Variants in FMO5 observed in about 807,000 individuals in gnomAD.
FMO5 encodes the protein flavin containing dimethylaniline monoxygenase 5, also known as flavin-containing monooxygenase 5.
Under a neutral mutation model 43.6 loss-of-function variants are expected in FMO5, and 51 were observed. The observed-to-expected ratio is 1.17, with a 90% CI of 0.93 to 1.48. The LOEUF is 1.48. FMO5 is among the 40% of genes most tolerant of loss of function. The probability of loss-of-function intolerance (pLI) is 0.00; values close to 1 mark genes in which losing one functional copy is unlikely to be tolerated. For synonymous variants in FMO5, 187 were observed against 216.5 expected (o/e 0.86, Z 1.20); for missense variants, 644 against 643.0 (o/e 1.00, Z -0.02).
At chr1:147,212,272 G>T in intron 5 of FMO5, 121 bp downstream of exon 5, 1 of 991,562 alleles carries the variant, frequency 1.0e-6, no homozygotes. Flanking sequence ...CCCTATATTT[G>T]CCACTGGCAC....
At chr1:147,192,473 T>C (rs1372130640) in intron 7 of FMO5, among the ~76,000 whole-genome samples, 1 of 152,122 alleles carries the variant, frequency 6.6e-6, no homozygotes, top group Non-Finnish European at 1.5e-5. Flanking sequence ...ACAATTTGAC[T>C]TCCTCTTTTC....
In FMO5 at chr1:147,201,294, T is replaced by G. The variant is rs1553920874; in HGVS notation, c.1041A>C (p.Lys347Asn). 1.2e-6 allele frequency: 2 copies of G among 1,614,186 alleles called. No individual in the cohort carries two copies. Among genetic ancestry groups the G allele is most frequent in the African/African-American group, 2.7e-5 (2 of 75,042 alleles). Residue 347 changes from lysine (K) to asparagine (N), a missense_variant, in exon 7 of 9, where the codon AAA (lysine) becomes AAC (asparagine). Coordinates refer to ENST00000254090, the MANE Select transcript of FMO5 (RefSeq NM_001461.4). ...PFLEDSVKVV[K>N]NKISLYKKVF... Reference sequence around the variant, plus strand: ...CCTTTTTATACAGGGATATCTTGTTTTTGACCACTTTGACGGAATCTTCCA... The same window carrying G: ...CCTTTTTATACAGGGATATCTTGTTGTTGACCACTTTGACGGAATCTTCCA...
intron 6 of FMO5, among the ~76,000 whole-genome samples, chr1:147,201,944 A>G (rs1553921102): frequency 6.6e-6 from 1 of 152,192 alleles, no homozygotes; most frequent in African/African-American, 2.4e-5. Context: ...ATGATAAATT[A>G]CATGTATGTA....
intron 7 of FMO5, among the ~76,000 whole-genome samples, chr1:147,194,085 CT>C (rs1657462419): frequency 6.6e-6 from 1 of 152,110 alleles, no homozygotes. Context: ...TCTCGTTGAT[CT>C]GTCTAATGTT....
At chr1:147,199,442 G>A (rs1313488069) in intron 7 of FMO5, among the ~76,000 whole-genome samples, 12 of 152,156 alleles carry the variant, frequency 7.9e-5, no homozygotes, top group African/African-American at 1.4e-4. Context: ...GGAGGAATTA[G>A]CACTAGGCTT....
intron 7 of FMO5, among the ~76,000 whole-genome samples, chr1:147,191,167 A>G (rs1553918372): frequency 6.6e-6 from 1 of 152,184 alleles, no homozygotes; most frequent in Admixed American, 6.5e-5. Flanking sequence ...TCTTTATAGC[A>G]GCATGATTTA....
At chr1:147,204,165 C>T in intron 6 of FMO5, 1 of 1,239,754 alleles carries the variant, frequency 8.1e-7, no homozygotes. Context: ...TTTATCAACA[C>T]TGTTCCCTTA....
chr1:147,192,094 C>T (rs587626038), intron 7 of FMO5, among the ~76,000 whole-genome samples: 1 of 152,104 alleles, frequency 6.6e-6, no homozygotes, highest in African/African-American at 2.4e-5. Flanking sequence ...CTATAAATTA[C>T]CTTGGGCAGT....
chr1:147,199,160 C>A (rs965084509), intron 7 of FMO5, among the ~76,000 whole-genome samples: 1 of 151,758 alleles, frequency 6.6e-6, no homozygotes, highest in Non-Finnish European at 1.5e-5. Context: ...TTCCAGAGAA[C>A]AGAAGAAGAA....
At chr1:147,216,955 T>C (rs1255776543) in intron 2 of FMO5, among the ~76,000 whole-genome samples, 2 of 152,202 alleles carry the variant, frequency 1.3e-5, no homozygotes, top group Non-Finnish European at 1.5e-5. Flanking sequence ...AAACTTCCTA[T>C]TGAGGCCGGG....
At chr1:147,227,020 G>A (rs1195953723), upstream of FMO5, among the ~76,000 whole-genome samples, 1 of 151,998 alleles carries the variant, frequency 6.6e-6, no homozygotes, top group East Asian at 1.9e-4. Context: ...GTAGAAATGA[G>A]GTTTCACTAT....
intron 6 of FMO5, among the ~76,000 whole-genome samples, chr1:147,205,964 TC>T (rs1659952611): frequency 6.6e-6 from 1 of 151,988 alleles, no homozygotes; most frequent in Admixed American, 6.6e-5. Context: ...GAAACTACCA[TC>T]AAAGTGAACA....
chr1:147,190,882 G>A (rs1389356184), intron 7 of FMO5, among the ~76,000 whole-genome samples: 3 of 151,590 alleles, frequency 2.0e-5, no homozygotes, highest in African/African-American at 7.3e-5. Context: ...CCCTTCCTGT[G>A]TCCATCTGTT....
intron 6 of FMO5, 58 bp from the exon 7 acceptor site, chr1:147,201,562 A>G (rs1038950048): frequency 7.2e-7 from 1 of 1,396,936 alleles, no homozygotes; most frequent in Non-Finnish European, 9.9e-7. Context: ...TCAGTACCAC[A>G]TAAGTAAAAT....
At chr1:147,196,619 A>T (rs1658058059) in intron 7 of FMO5, among the ~76,000 whole-genome samples, 1 of 152,096 alleles carries the variant, frequency 6.6e-6, no homozygotes, top group African/African-American at 2.4e-5. Flanking sequence ...TTTTAAAAAG[A>T]TGTATACATC....
intron 7 of FMO5, among the ~76,000 whole-genome samples, chr1:147,192,086 A>G (rs6593741): frequency 0.05 from 7,532 of 152,146 alleles, 208 homozygotes; most frequent in African/African-American, 0.071. Context: ...CATTTAATCT[A>G]TAAATTACCT....
chr1:147,205,594 C>A (rs192598380), intron 6 of FMO5, among the ~76,000 whole-genome samples: 1 of 151,968 alleles, frequency 6.6e-6, no homozygotes, highest in African/African-American at 2.4e-5. Flanking sequence ...CAGAACAGAG[C>A]CCTCAGAAAT....
rs1402294324 is a variant in FMO5, at chr1:147,186,431, ATCTC to A, written c.*465_*468del. ...CTATTGTAGGAACATTATTTCTCTTATCTCTCAGGAAACATATTTAGTTATAATA... is the reference window on the plus strand; with the variant it reads ...CTATTGTAGGAACATTATTTCTCTTATCAGGAAACATATTTAGTTATAATA... On this transcript the variant is annotated 3_prime_UTR_variant, in exon 9 of 9. Transcript: ENST00000254090. The A allele has an allele frequency of 2.2e-6, 2 of 912,998 alleles. No individual in the cohort carries two copies. The highest frequency in any genetic ancestry group is 2.6e-6 in the Non-Finnish European group (2 of 763,790). The allele number at this position is 912,998 out of a possible 1,614,324, so 56.6% of individuals were successfully genotyped here. A position where few individuals can be genotyped will look rare whatever the true frequency, so the allele number is the denominator to read the frequency against.
chr1:147,188,572 A>C (rs1385203091), intron 8 of FMO5, among the ~76,000 whole-genome samples: 2 of 151,522 alleles, frequency 1.3e-5, no homozygotes, highest in Non-Finnish European at 2.9e-5. Flanking sequence ...AAGGTTTCAC[A>C]AAAGAGGTTC....
Sources: gnomAD v4.1 joint callset for allele counts (sites outside exome capture counted in the v4.1 genomes callset) on GRCh38, gnomAD v4.1.1 for gene constraint, MANE v1.5 for transcripts, NCBI Gene and HGNC (gene_info 2026-07-23, HGNC 2026-07-21) for gene names.